MOCOS: variants seen among roughly 807,000 people sequenced by gnomAD.
MOCOS encodes molybdenum cofactor sulfurase.
MOCOS carries 86 observed loss-of-function variants against 83.6 expected under a neutral mutation model. The ratio of observed to expected loss-of-function variants is 1.03; its 90% CI spans 0.86 to 1.23. The LOEUF is 1.23. MOCOS is among the 50% of genes most tolerant of loss of function. The pLI, the probability that MOCOS is intolerant of heterozygous loss-of-function variation, is 0.00. For missense variants in MOCOS, 1,120 were observed against 1,126.9 expected, an observed-to-expected ratio of 0.99 and a Z score of 0.09; for synonymous variants, 445 against 434.7, an observed-to-expected ratio of 1.02 and a Z score of -0.29.
rs546441512 is a variant in MOCOS at position 36,215,669 on chromosome 18, C to T, written c.1489C>T (p.Pro497Ser). Residue 497 changes from proline (P) to serine (S), a missense_variant, in exon 8 of 15, where the codon CCT becomes TCT. By Grantham distance (74) the Pro-to-Ser change is moderately conservative. Coordinates refer to ENST00000261326, the MANE Select transcript of MOCOS (RefSeq NM_017947.4). ...TCGCCTGCACTCATCAGGGGACTGG[C>T]CTGTCCCTCAGGCCCATGCTGACAC... The part of the protein sequence containing the change: ...DTRLHSSGDW[P>S]VPQAHADTGE... 2 of 1,614,198 alleles carry T rather than the reference C, an allele frequency of 1.2e-6. No individual in the cohort carries two copies. The highest frequency in any genetic ancestry group is 1.7e-5 in the Admixed American group (1 of 60,024).
chr18:36,227,399 A>AT (rs1250536048), intron 9 of MOCOS, among the ~76,000 whole-genome samples: 2,238 of 142,934 alleles, frequency 0.016, 19 homozygotes, highest in Non-Finnish European at 0.017. Context: ...GCCCAGCTAA[A>AT]TTTTTTTTTT....
intron 9 of MOCOS, among the ~76,000 whole-genome samples, chr18:36,228,612 T>C (rs2091526539): frequency 1.3e-5 from 2 of 152,142 alleles, no homozygotes; most frequent in South Asian, 4.1e-4. Flanking sequence ...TTCTCACTTA[T>C]AAATGGGAGC....
At chr18:36,189,882 C>A (rs1467173885) in intron 1 of MOCOS, 1 of 152,178 alleles carries the variant, frequency 6.6e-6, no homozygotes, top group Non-Finnish European at 1.5e-5. Context: ...CTCATTTAAC[C>A]TTTGTCCCAT....
At chr18:36,194,636 G>A (rs2091379989) in intron 1 of MOCOS, among the ~76,000 whole-genome samples, 1 of 152,174 alleles carries the variant, frequency 6.6e-6, no homozygotes, top group Admixed American at 6.5e-5. Flanking sequence ...GAGCATAAAG[G>A]TGTACCTGTG....
chr18:36,193,004 A>G (rs1421489027), intron 1 of MOCOS, among the ~76,000 whole-genome samples: 1 of 152,182 alleles, frequency 6.6e-6, no homozygotes, highest in Non-Finnish European at 1.5e-5. Flanking sequence ...TTGCAGTTTC[A>G]AAACTTACTA....
At chr18:36,201,663 C>CAAAAAAAAAAA (rs200846253) in intron 4 of MOCOS, among the ~76,000 whole-genome samples, 12,156 of 68,296 alleles carry the variant, frequency 0.18, 2,115 homozygotes, top group Non-Finnish European at 0.23. Context: ...ACTCCATCTC[C>CAAAAAAAAAAA]AAAAAAAAAA....
chr18:36,237,920 A>G (rs1424962842), intron 9 of MOCOS, among the ~76,000 whole-genome samples: 1 of 151,880 alleles, frequency 6.6e-6, no homozygotes, highest in Non-Finnish European at 1.5e-5. Flanking sequence ...TTATTTGCGT[A>G]GAGGTGTTTG....
intron 11 of MOCOS, 127 bp from the exon 12 acceptor site, chr18:36,256,841 C>G: frequency 3.6e-6 from 3 of 832,478 alleles, no homozygotes; most frequent in East Asian, 2.5e-5. Flanking sequence ...TTATTATTGC[C>G]AGGACATCAC....
At chr18:36,255,859 C>A (rs553029682) in intron 11 of MOCOS, among the ~76,000 whole-genome samples, 2 of 149,226 alleles carry the variant, frequency 1.3e-5, no homozygotes, top group East Asian at 3.9e-4. Context: ...TATTTTCTTT[C>A]AATAGTTTCG....
At chr18:36,265,632 A>C (rs1178139618) in intron 13 of MOCOS, among the ~76,000 whole-genome samples, 1 of 152,144 alleles carries the variant, frequency 6.6e-6, no homozygotes, top group Admixed American at 6.6e-5. Flanking sequence ...TGATGTTTAT[A>C]TTATGGGGGA....
At chr18:36,240,457 G>T (rs1160291223) in intron 9 of MOCOS, among the ~76,000 whole-genome samples, 2 of 149,864 alleles carry the variant, frequency 1.3e-5, no homozygotes, top group Non-Finnish European at 3.0e-5. Context: ...GGGGGTCAGG[G>T]GTCAGGGACC....
At chr18:36,201,781 G>T (rs1320823745) in intron 4 of MOCOS, among the ~76,000 whole-genome samples, 1 of 151,612 alleles carries the variant, frequency 6.6e-6, no homozygotes, top group Non-Finnish European at 1.5e-5. Context: ...TTTAGGACTT[G>T]TCCATAGTTG....
intron 14 of MOCOS, among the ~76,000 whole-genome samples, chr18:36,268,150 G>A (rs1393949951): frequency 2.0e-5 from 3 of 152,206 alleles, no homozygotes; most frequent in African/African-American, 7.2e-5. Context: ...AAAATGCAGA[G>A]TTCTGCCACT....
At chr18:36,199,162 C>CT (rs1242271581) in intron 3 of MOCOS, among the ~76,000 whole-genome samples, 1 of 152,114 alleles carries the variant, frequency 6.6e-6, no homozygotes, top group Non-Finnish European at 1.5e-5. Context: ...CTTTTCCCCC[C>CT]TTTTTTACTA....
chr18:36,261,427 A>T (rs966939023), intron 13 of MOCOS, among the ~76,000 whole-genome samples: 13 of 152,168 alleles, frequency 8.5e-5, no homozygotes, highest in Non-Finnish European at 1.5e-5. Context: ...TGGATAAGGA[A>T]TACTCAACCT....
chr18:36,214,076 T>C (rs2091466092), intron 7 of MOCOS, among the ~76,000 whole-genome samples: 1 of 151,576 alleles, frequency 6.6e-6, no homozygotes, highest in Non-Finnish European at 1.5e-5. Flanking sequence ...ACCCTCTCTC[T>C]ACTGAAAATA....
intron 13 of MOCOS, among the ~76,000 whole-genome samples, chr18:36,260,691 A>C (rs1417012868): frequency 6.6e-6 from 1 of 152,080 alleles, no homozygotes; most frequent in Non-Finnish European, 1.5e-5. Flanking sequence ...TTGGACTCCC[A>C]AAACCTTTGG....
chr18:36,198,254 G>A (rs1390133018), intron 2 of MOCOS, among the ~76,000 whole-genome samples: 2 of 152,028 alleles, frequency 1.3e-5, no homozygotes, highest in South Asian at 2.1e-4. Context: ...TTAGCCAGGT[G>A]TAGTTGTGCA....
chr18:36,257,016 A>T lies in MOCOS; in HGVS notation c.2213A>T (p.Gln738Leu), dbSNP rs1568068695. 8 of 1,614,092 alleles carry T rather than the reference A, an allele frequency of 5.0e-6. No homozygotes were observed. The highest frequency in any genetic ancestry group is 6.8e-6 in the Non-Finnish European group (8 of 1,180,022). ...ACCCTTTCTCTGGTGAATGAGGCAC[A>T]GTATCTGCTGATCAACACATCCAGT... ...MATLSLVNEA[Q>L]YLLINTSSIL... Residue 738 changes from glutamine (Q) to leucine (L), a missense_variant, in exon 12 of 15, where the codon CAG (glutamine) becomes CTG (leucine). Gln to Leu is a moderately radical substitution (Grantham distance 113). Transcript: ENST00000261326.
Sources: allele counts gnomAD v4.1 joint callset (sites outside exome capture counted in the v4.1 genomes callset), GRCh38; gene constraint gnomAD v4.1.1; transcripts MANE v1.5; gene names NCBI Gene and HGNC (gene_info 2026-07-23, HGNC 2026-07-21).